LYN: variants seen among roughly 807,000 people sequenced by gnomAD.
LYN encodes tyrosine-protein kinase Lyn.
In LYN, 12 loss-of-function variants were observed where a neutral mutation model predicts 65.0. The observed-to-expected ratio is 0.18, with a 90% CI of 0.12 to 0.30. The LOEUF (loss-of-function observed/expected upper bound fraction) is 0.30, where lower values mean the gene tolerates loss of function less well. Among genes scored for constraint, LYN ranks in the 10% least tolerant of loss-of-function variants. LYN has a pLI of 1.00. For synonymous variants in LYN, 222 were observed against 221.2 expected, an observed-to-expected ratio of 1.00 and a Z score of -0.03; for missense variants, 380 against 623.2, an observed-to-expected ratio of 0.61 and a Z score of 4.16.
Position 55,998,116 on chromosome 8 carries a change from C to CTT in LYN, c.1051-218_1051-217dup, listed in dbSNP as rs552617192. On this transcript the variant is annotated intron_variant, in intron 10 of 12. Coordinates refer to ENST00000519728, the MANE Select transcript of LYN (RefSeq NM_002350.4). Reference sequence around the variant, plus strand: ...AAAAAGAAAATGTTAAGACATGTTCCTTTTTTTTTTTTTAAGATGACCATT... The same window carrying CTT: ...AAAAAGAAAATGTTAAGACATGTTCCTTTTTTTTTTTTTTTAAGATGACCATT... 3.5e-4 allele frequency among the ~76,000 whole-genome samples: 50 copies of CTT among 144,352 alleles called. No homozygotes were observed. The South Asian group carries it at 8.7e-3, about 25-fold the overall frequency. The allele number at this position is 144,352 out of a possible 152,430, so 94.7% of individuals were successfully genotyped here. A position where few individuals can be genotyped will look rare whatever the true frequency, so the allele number is the denominator to read the frequency against.
At chr8:55,947,806 T>A in intron 4 of LYN, 83 bp downstream of exon 4, 1 of 944,820 alleles carries the variant, frequency 1.1e-6, no homozygotes, top group Non-Finnish European at 1.7e-6. Flanking sequence ...TTGCTTCTGG[T>A]GCTACAGCCA....
intron 1 of LYN, among the ~76,000 whole-genome samples, chr8:55,908,028 C>T (rs1386537080): frequency 6.6e-6 from 1 of 151,938 alleles, no homozygotes. Context: ...TTAGAAACTC[C>T]AACAGTTCTA....
intron 4 of LYN, among the ~76,000 whole-genome samples, chr8:55,949,891 A>G (rs1364539361): frequency 2.0e-5 from 3 of 152,164 alleles, no homozygotes; most frequent in Admixed American, 6.6e-5. Context: ...AAATACCCCA[A>G]AAGGAAACCC....
intron 1 of LYN, among the ~76,000 whole-genome samples, chr8:55,922,186 C>G (rs1780830344): frequency 6.6e-6 from 1 of 152,146 alleles, no homozygotes. Flanking sequence ...CTCCCAGACA[C>G]AAGCAATTCT....
chr8:55,881,904 C>G (rs920265545), intron 1 of LYN, among the ~76,000 whole-genome samples: 1 of 152,188 alleles, frequency 6.6e-6, no homozygotes, highest in African/African-American at 2.4e-5. Context: ...TTCGAGATTA[C>G]TTGGAAGAAG....
chr8:55,931,575 C>G (rs1338897002), intron 1 of LYN, among the ~76,000 whole-genome samples: 7 of 151,952 alleles, frequency 4.6e-5, no homozygotes, highest in African/African-American at 7.2e-5. Flanking sequence ...TATTTCTTTT[C>G]AGACTTTTTT....
At chr8:55,883,202 T>C (rs1463334442) in intron 1 of LYN, among the ~76,000 whole-genome samples, 4 of 152,228 alleles carry the variant, frequency 2.6e-5, no homozygotes, top group Admixed American at 2.0e-4. Context: ...CAGTTTTTAT[T>C]GAATGCCTAA....
intron 1 of LYN, among the ~76,000 whole-genome samples, chr8:55,900,508 G>A (rs1323795105): frequency 1.3e-5 from 2 of 151,126 alleles, no homozygotes; most frequent in Non-Finnish European, 2.9e-5. Context: ...GAGTAGCTGA[G>A]ACTTCAGAGT....
chr8:55,930,198 T>G (rs1466182545), intron 1 of LYN, among the ~76,000 whole-genome samples: 1 of 152,236 alleles, frequency 6.6e-6, no homozygotes, highest in Non-Finnish European at 1.5e-5. Flanking sequence ...CTAGCTAACC[T>G]AGACTCCTGA....
intron 1 of LYN, among the ~76,000 whole-genome samples, chr8:55,922,072 A>G (rs188965855): frequency 1.3e-5 from 2 of 152,214 alleles, no homozygotes; most frequent in Admixed American, 1.3e-4. Flanking sequence ...GAATGAATGG[A>G]TAAGGGAGAT....
chr8:55,948,594 T>C lies in LYN; in HGVS notation c.284+871T>C, dbSNP rs1214002206. 3.3e-5 allele frequency among the ~76,000 whole-genome samples: 5 copies of C among 152,256 alleles called. No individual in the cohort carries two copies. The East Asian group carries it at 9.6e-4, about 29-fold the overall frequency. On this transcript the variant is annotated intron_variant, in intron 4 of 12. Coordinates refer to ENST00000519728, the MANE Select transcript of LYN (RefSeq NM_002350.4). ...TCAGAATAAGAAACTCCAGTTGCTT[T>C]AATTCTAGCTTGCTTTTCTTACTAA...
chr8:55,989,231 G>C (rs995570267), intron 10 of LYN, among the ~76,000 whole-genome samples: 1 of 152,240 alleles, frequency 6.6e-6, no homozygotes, highest in Non-Finnish European at 1.5e-5. Context: ...TTTGAGAAAA[G>C]CGGGAAAGAT....
At chr8:55,944,907 A>C (rs1194188480) in intron 2 of LYN, among the ~76,000 whole-genome samples, 1 of 152,240 alleles carries the variant, frequency 6.6e-6, no homozygotes, top group Non-Finnish European at 1.5e-5. Context: ...ATCAAGTTAG[A>C]AAGCAGAAGT....
At position 55,941,957 on chromosome 8, in the gene LYN, T is replaced by A; in HGVS notation, c.98T>A (p.Val33Glu). 6.2e-7 allele frequency: 1 copy of A among 1,613,654 alleles called. No individual in the cohort carries two copies. The highest frequency in any genetic ancestry group is 8.5e-7 in the Non-Finnish European group (1 of 1,179,788). ...CGTAATACTGAAAGAACTATTTATG[T>A]GAGAGATCCAACGTCCAATAAACAG... ...PVRNTERTIY[V>E]RDPTSNKQQR... Residue 33 changes from valine (V) to glutamate (E), a missense_variant, in exon 2 of 13, where the codon GTG (valine) becomes GAG (glutamate). By Grantham distance (121) the Val-to-Glu change is moderately radical. Transcript: ENST00000519728.
At chr8:55,950,324 T>G (rs1585630635) in intron 4 of LYN, 135 bp from the exon 5 acceptor site, 1 of 618,418 alleles carries the variant, frequency 1.6e-6, no homozygotes, top group East Asian at 2.9e-5. Flanking sequence ...GTCTATGTTT[T>G]CTTTATTTTT....
chr8:55,881,193 T>G (rs1263619748), intron 1 of LYN, among the ~76,000 whole-genome samples: 1 of 152,236 alleles, frequency 6.6e-6, no homozygotes. Context: ...ATGAGGCTTC[T>G]TGGTTCTTTG....
intron 1 of LYN, among the ~76,000 whole-genome samples, chr8:55,923,498 C>A (rs903471103): frequency 6.6e-6 from 1 of 152,058 alleles, no homozygotes; most frequent in Non-Finnish European, 1.5e-5. Flanking sequence ...AACCCGACAG[C>A]AGAAAAAATA....
Position 55,947,691 on chromosome 8 carries a change from C to T in LYN, c.252C>T (p.Phe84=). 4.3e-6 allele frequency: 7 copies of T among 1,613,928 alleles called. No individual in the cohort carries two copies. Among genetic ancestry groups the T allele is most frequent in the Non-Finnish European group, 5.9e-6 (7 of 1,179,810 alleles). Residue 84 remains phenylalanine, a synonymous_variant, in exon 4 of 13, where the codon TTC becomes TTT. Transcript: ENST00000519728. ...YDGIHPDDLS[F]KKGEKMKVLE... Reference sequence around the variant, plus strand: ...GCATCCACCCGGACGACTTGTCTTTCAAGAAAGGAGAGAAGATGAAAGTCC... The same window carrying T: ...GCATCCACCCGGACGACTTGTCTTTTAAGAAAGGAGAGAAGATGAAAGTCC...
intron 8 of LYN, among the ~76,000 whole-genome samples, chr8:55,964,526 A>G (rs1646701748): frequency 6.6e-6 from 1 of 152,244 alleles, no homozygotes; most frequent in Non-Finnish European, 1.5e-5. Flanking sequence ...GCTTGGAAAT[A>G]GATGTATAAT....
Sources: gnomAD v4.1 joint callset for allele counts (sites outside exome capture counted in the v4.1 genomes callset) on GRCh38, gnomAD v4.1.1 for gene constraint, MANE v1.5 for transcripts, NCBI Gene and HGNC (gene_info 2026-07-23, HGNC 2026-07-21) for gene names.